SF1: variants seen among roughly 807,000 people sequenced by gnomAD.
SF1 encodes the protein branch point-binding protein.
SF1 carries 7 observed loss-of-function variants against 62.5 expected under a neutral mutation model. The ratio of observed to expected loss-of-function variants is 0.11; its 90% CI spans 0.06 to 0.21. The LOEUF is 0.21. Among genes scored for constraint, SF1 ranks in the 10% least tolerant of loss-of-function variants. SF1 has a pLI of 1.00. For missense variants in SF1, 578 were observed against 884.0 expected, an observed-to-expected ratio of 0.65 and a Z score of 4.39; for synonymous variants, 394 against 323.6, an observed-to-expected ratio of 1.22 and a Z score of -2.33.
rs1296500568 is a variant in SF1, at chr11:64,778,491, G to A, written c.-99C>T. ...GAGGGGACCCGAATGCGCTGCCGGA[G>A]CGCGCGGAGCCCGTCCTCTCACGCG... is the stretch of plus-strand genomic sequence containing the variant. On this transcript the variant is annotated 5_prime_UTR_variant, in exon 1 of 13. Transcript: ENST00000377390. 5 of 1,199,686 alleles carry A rather than the reference G, an allele frequency of 4.2e-6. No homozygotes were observed. Among genetic ancestry groups the A allele is most frequent in the Non-Finnish European group, 4.1e-6 (4 of 966,592 alleles). The allele number at this position is 1,199,686 out of a possible 1,614,324, so 74.3% of individuals were successfully genotyped here. A position where few individuals can be genotyped will look rare whatever the true frequency, so the allele number is the denominator to read the frequency against.
chr11:64,773,172 C>CT (rs1938593977), intron 3 of SF1: 1 of 1,312,898 alleles, frequency 7.6e-7, no homozygotes, highest in African/African-American at 1.5e-5. Flanking sequence ...AGGTTAAGAT[C>CT]TACATGCTTA....
chr11:64,777,391 T>G, intron 1 of SF1: 31 of 565,642 alleles, frequency 5.5e-5, no homozygotes, highest in East Asian at 1.5e-4. Flanking sequence ...CCGATCAGAC[T>G]GAGATCTAAA....
chr11:64,765,792 AAT>A lies in SF1; in HGVS notation c.*24_*25del, dbSNP rs951829256. Reference sequence around the variant, plus strand: ...AACGAGACCAATTCTCTCTATATATAATATATATTTTCTTAAAAAACAAGTCT... The same window carrying A: ...AACGAGACCAATTCTCTCTATATATAATATATTTTCTTAAAAAACAAGTCT... On this transcript the variant is annotated 3_prime_UTR_variant, in exon 13 of 13. Transcript: ENST00000377390. The A allele has an allele frequency of 5.9e-6, 9 of 1,521,920 alleles. No individual in the cohort carries two copies. The African/African-American group carries it at 1.1e-4, about 19-fold the overall frequency. 94.3% of individuals were successfully genotyped at this position (1,521,920 alleles called of 1,614,324 possible).
intron 3 of SF1, chr11:64,772,573 T>C: frequency 1.0e-6 from 1 of 985,344 alleles, no homozygotes; most frequent in Non-Finnish European, 1.2e-6. Flanking sequence ...ACACTACTTT[T>C]TAAAGCAAAG....
intron 12 of SF1, 36 bp downstream of exon 12, chr11:64,766,861 ATCC>A: frequency 1.5e-4 from 24 of 158,912 alleles, no homozygotes; most frequent in Non-Finnish European, 1.8e-4. Context: ...CCCCACCCCC[ATCC>A]CACCCACCCC....
In SF1 at chr11:64,770,337, T is replaced by C; in HGVS notation, c.308A>G (p.Lys103Arg). 6.2e-7 allele frequency: 1 copy of C among 1,614,144 alleles called. No homozygotes were observed. Among genetic ancestry groups the C allele is most frequent in the Non-Finnish European group, 8.5e-7 (1 of 1,180,038 alleles). ...GTTGTGCCGCTCCTCTTCCAGCTTT[T>C]TGCGGGTGCGGAACTCTCGGGTGTT... The part of the protein sequence containing the change: ...RLNTREFRTR[K>R]KLEEERHNLI... The change falls in exon 4 of 13, where the codon AAA becomes AGA. Residue 103 changes from lysine (K) to arginine (R), a missense_variant. Coordinates refer to ENST00000377390, the MANE Select transcript of SF1 (RefSeq NM_004630.4).
intron 1 of SF1, among the ~76,000 whole-genome samples, chr11:64,777,100 A>T (rs1939401051): frequency 6.6e-6 from 1 of 152,196 alleles, no homozygotes; most frequent in Admixed American, 6.5e-5. Context: ...ACCTAGTTAC[A>T]CCCTACCAAG....
At position 64,776,456 on chromosome 11, in the gene SF1, T is replaced by TC. The variant is rs398048305; in HGVS notation, c.160+41_160+42insG. ...TGCAGATCTTGCTCAGAATAAATCGTAACAATCTCAAAGTGCATTTGGATG... is the reference window on the plus strand; with the variant it reads ...TGCAGATCTTGCTCAGAATAAATCGTCAACAATCTCAAAGTGCATTTGGATG... On this transcript the variant is annotated intron_variant, in intron 2 of 12. Transcript: ENST00000377390. The TC allele has an allele frequency of 2.0e-6, 3 of 1,526,372 alleles. No homozygotes were observed. The African/African-American group carries it at 4.9e-5, about 25-fold the overall frequency. The allele number at this position is 1,526,372 out of a possible 1,614,324, so 94.6% of individuals were successfully genotyped here.
intron 3 of SF1, chr11:64,772,366 AC>A: frequency 4.1e-6 from 4 of 983,916 alleles, no homozygotes; most frequent in Non-Finnish European, 4.8e-6. Flanking sequence ...ACACAACACA[AC>A]CCTACAACCA....
Position 64,766,133 on chromosome 11 carries a change from G to A in SF1, c.1605C>T (p.Ser535=), listed in dbSNP as rs747204553. Residue 535 remains serine (S), a synonymous_variant, in exon 13 of 13, where the codon AGC becomes AGT. Coordinates refer to ENST00000377390, the MANE Select transcript of SF1 (RefSeq NM_004630.4). ...WQQNTTTTTT[S]AGTGSIPPWQ... is the part of the protein sequence containing the mutation. ...ATGGCGGGATGGACCCTGTGCCAGC[G>A]CTCGTGGTGGTAGTCGTCGTATCTG... The A allele has an allele frequency of 6.8e-6, 11 of 1,607,522 alleles. No individual in the cohort carries two copies. Among genetic ancestry groups the A allele is most frequent in the East Asian group, 2.2e-5 (1 of 44,870 alleles).
Position 64,778,500 on chromosome 11 carries a change from G to A in SF1, c.-108C>T, listed in dbSNP as rs1413518423. 17 of 1,190,694 alleles carry A rather than the reference G, an allele frequency of 1.4e-5. No individual in the cohort carries two copies. The highest frequency in any genetic ancestry group is 4.2e-5 in the South Asian group (1 of 23,982). The allele number at this position is 1,190,694 out of a possible 1,614,324, so 73.8% of individuals were successfully genotyped here. ...CGAATGCGCTGCCGGAGCGCGCGGA[G>A]CCCGTCCTCTCACGCGGCGGGCGGC... On this transcript the variant is annotated 5_prime_UTR_variant, in exon 1 of 13. Transcript: ENST00000377390.
rs1273558504 is a variant in SF1 at position 64,778,184 on chromosome 11, G to A, written c.31+178C>T. On this transcript the variant is annotated intron_variant, in intron 1 of 12. Transcript: ENST00000377390. ...CGGAGGGGGCGGCGGCGGAGGCGGCGGAGGCAGCGCCGCGAAGGGGAAGGC... is the reference window on the plus strand; with the variant it reads ...CGGAGGGGGCGGCGGCGGAGGCGGCAGAGGCAGCGCCGCGAAGGGGAAGGC... 3.5e-5 allele frequency: 35 copies of A among 996,248 alleles called. No individual in the cohort carries two copies. The highest frequency in any genetic ancestry group is 3.8e-5 in the Non-Finnish European group (30 of 796,010). The allele number at this position is 996,248 out of a possible 1,614,324, so 61.7% of individuals were successfully genotyped here.
chr11:64,776,469 G>T, intron 2 of SF1, 29 bp downstream of exon 2: 1 of 1,566,506 alleles, frequency 6.4e-7, no homozygotes, highest in Non-Finnish European at 8.6e-7. Flanking sequence ...CAATCTCAAA[G>T]TGCATTTGGA....
chr11:64,765,204 A>C lies in SF1; in HGVS notation c.*614T>G. The C allele has an allele frequency of 7.7e-6, 3 of 391,494 alleles. No homozygotes were observed. The highest frequency in any genetic ancestry group is 9.2e-6 in the Non-Finnish European group (2 of 216,732). The allele number at this position is 391,494 out of a possible 1,614,324, so 24.3% of individuals were successfully genotyped here. ...AACCATTTGCTCCCCTCTCCTTGGT[A>C]AGGGAAGGAGAACTGGAGAGAAGGG... On this transcript the variant is annotated 3_prime_UTR_variant, in exon 13 of 13. Coordinates refer to ENST00000377390, the MANE Select transcript of SF1 (RefSeq NM_004630.4).
chr11:64,777,069 G>A (rs550307963), intron 1 of SF1, among the ~76,000 whole-genome samples: 1 of 152,276 alleles, frequency 6.6e-6, no homozygotes, highest in Admixed American at 6.5e-5. Context: ...ACTTTTGTAC[G>A]AGAGGCCGGA....
rs766478819 is a variant in SF1 at position 64,769,003 on chromosome 11, G to C, written c.887+19C>G. 4.6e-5 allele frequency: 72 copies of C among 1,566,134 alleles called. No individual in the cohort carries two copies. Among genetic ancestry groups the C allele is most frequent in the Admixed American group, 6.7e-5 (4 of 59,920 alleles). ...GCACATCGCAGGCTACCAGGAAACCGCAAGAGCCAGCCCCTCACCTTTGGA... is the reference window on the plus strand; with the variant it reads ...GCACATCGCAGGCTACCAGGAAACCCCAAGAGCCAGCCCCTCACCTTTGGA... On this transcript the variant is annotated intron_variant, in intron 8 of 12. Coordinates refer to ENST00000377390, the MANE Select transcript of SF1 (RefSeq NM_004630.4).
intron 12 of SF1, 38 bp downstream of exon 12, chr11:64,766,861 AT>A: frequency 6.3e-6 from 1 of 158,976 alleles, no homozygotes; most frequent in Non-Finnish European, 1.2e-5. Flanking sequence ...CCCCACCCCC[AT>A]CCCACCCACC....
chr11:64,766,423 G>T (rs1466774108), intron 12 of SF1: 6 of 525,422 alleles, frequency 1.1e-5, no homozygotes, highest in Admixed American at 3.6e-5. Context: ...CCAGACACAA[G>T]AACAGCTCTG....
chr11:64,772,100 C>CA, intron 3 of SF1: 1 of 985,384 alleles, frequency 1.0e-6, no homozygotes, highest in South Asian at 4.7e-5. Context: ...AAGTGAAAGG[C>CA]AAAAGCTAGT....
Sources: gnomAD v4.1 joint callset for allele counts (sites outside exome capture counted in the v4.1 genomes callset) on GRCh38, gnomAD v4.1.1 for gene constraint, MANE v1.5 for transcripts, NCBI Gene and HGNC (gene_info 2026-07-23, HGNC 2026-07-21) for gene names.